The following RNF150 variants were observed in gnomAD, a reference collection of about 807,000 sequenced individuals.
RNF150 encodes the protein ring finger protein 150.
In RNF150, 24 loss-of-function variants were observed where a neutral mutation model predicts 39.3. The ratio of observed to expected loss-of-function variants is 0.61; its 90% CI spans 0.44 to 0.86. The LOEUF (loss-of-function observed/expected upper bound fraction) is 0.86. RNF150 is among the 40% of genes least tolerant of loss of function. The pLI, the probability that RNF150 is intolerant of heterozygous loss-of-function variation, is 0.00. For synonymous variants in RNF150, 255 were observed against 227.3 expected, an observed-to-expected ratio of 1.12 and a Z score of -1.10; for missense variants, 502 against 587.8, an observed-to-expected ratio of 0.85 and a Z score of 1.51.
chr4:141,142,551 C>T (rs948991525), intron 1 of RNF150, among the ~76,000 whole-genome samples: 2 of 152,214 alleles, frequency 1.3e-5, no homozygotes, highest in African/African-American at 4.8e-5. Context: ...CACTCTCTTC[C>T]GTCCTTTACC....
chr4:140,898,777 C>CT (rs5862501), intron 6 of RNF150, among the ~76,000 whole-genome samples: 85,371 of 151,998 alleles, frequency 0.56, 24,623 homozygotes, highest in East Asian at 0.84. Flanking sequence ...TTTCTAACTC[C>CT]TATTTAAATA....
chr4:141,004,759 T>C (rs1449996995), intron 1 of RNF150, among the ~76,000 whole-genome samples: 1 of 152,334 alleles, frequency 6.6e-6, no homozygotes, highest in Non-Finnish European at 1.5e-5. Context: ...GTTAGTGCCA[T>C]CATAATATAA....
intron 1 of RNF150, among the ~76,000 whole-genome samples, chr4:141,031,655 C>G (rs986077128): frequency 3.9e-5 from 6 of 152,000 alleles, no homozygotes; most frequent in Non-Finnish European, 8.8e-5. Context: ...TAAAAATGCT[C>G]AACATCACTA....
At chr4:141,129,684 C>A (rs1472027551) in intron 1 of RNF150, among the ~76,000 whole-genome samples, 3 of 152,034 alleles carry the variant, frequency 2.0e-5, no homozygotes, top group Non-Finnish European at 4.4e-5. Flanking sequence ...CTGGTCTATC[C>A]CAGGAGAAGT....
At chr4:140,970,039 C>G (rs759361633) in intron 1 of RNF150, among the ~76,000 whole-genome samples, 1 of 152,168 alleles carries the variant, frequency 6.6e-6, no homozygotes, top group Non-Finnish European at 1.5e-5. Context: ...GCTGGGATAA[C>G]AGGCCTGAGT....
At chr4:141,008,396 TC>T (rs946085434) in intron 1 of RNF150, among the ~76,000 whole-genome samples, 2 of 152,122 alleles carry the variant, frequency 1.3e-5, no homozygotes, top group Non-Finnish European at 2.9e-5. Context: ...CTTAATGGAG[TC>T]TTTGAATGAA....
chr4:141,197,660 C>T (rs959391438), intron 1 of RNF150, among the ~76,000 whole-genome samples: 7 of 151,976 alleles, frequency 4.6e-5, no homozygotes, highest in East Asian at 3.9e-4. Flanking sequence ...GGGCAGATCA[C>T]GAGGTCAGGA....
At chr4:140,898,573 A>G (rs55708741) in intron 6 of RNF150, among the ~76,000 whole-genome samples, 90,171 of 152,202 alleles carry the variant, frequency 0.59, 27,019 homozygotes, top group East Asian at 0.84. Flanking sequence ...ATGTTCCTAC[A>G]TAGGTGCATG....
At chr4:141,048,108 C>T (rs746961975) in intron 1 of RNF150, among the ~76,000 whole-genome samples, 7 of 152,124 alleles carry the variant, frequency 4.6e-5, no homozygotes, top group East Asian at 1.9e-4. Context: ...CCTGCCTAAC[C>T]GAAATTCAAG....
rs186879543 is a variant in RNF150, at chr4:140,977,044, G to A, written c.485-9171C>T. 3.2e-4 allele frequency among the ~76,000 whole-genome samples: 48 copies of A among 151,958 alleles called. 1 individual carries two copies. Among genetic ancestry groups the A allele is most frequent in the Admixed American group, 3.1e-3 (47 of 15,258 alleles). On this transcript the variant is annotated intron_variant, in intron 1 of 6. Transcript: ENST00000515673. ...AATCAGTGATGTTACCACAGAAGTC[G>A]TTGAGAAAAAATACCCACAAGAGGC...
intron 6 of RNF150, among the ~76,000 whole-genome samples, chr4:140,899,974 C>CTCTCTCTCTCTCTCTCTCTCTCTCTGTG (rs1365683071): frequency 1.4e-5 from 1 of 69,220 alleles, no homozygotes; most frequent in African/African-American, 4.3e-5. Context: ...CTCTCTCTCT[C>CTCTCTCTCTCTCTCTCTCTCTCTCTGTG]TGTGTGTGTG....
chr4:140,996,389 G>A (rs1337168930), intron 1 of RNF150, among the ~76,000 whole-genome samples: 2 of 152,036 alleles, frequency 1.3e-5, no homozygotes, highest in Non-Finnish European at 2.9e-5. Context: ...CCTTCTACAA[G>A]TCGTTACTGA....
intron 1 of RNF150, among the ~76,000 whole-genome samples, chr4:141,070,156 G>A (rs1292119253): frequency 2.6e-5 from 4 of 152,158 alleles, no homozygotes; most frequent in Non-Finnish European, 5.9e-5. Flanking sequence ...AATAAATGGT[G>A]CTGGGAAAAC....
Position 140,863,718 on chromosome 4 carries a change from A to G in RNF150, c.*4543T>C, listed in dbSNP as rs1728580607. ...GAAAAGGAAAAGAAACTTAGAGAAG[A>G]TATAAAAATGCTACTGGAAATTGCC... On this transcript the variant is annotated 3_prime_UTR_variant, in exon 7 of 7. Coordinates refer to ENST00000515673, the MANE Select transcript of RNF150 (RefSeq NM_020724.2). 1 of 152,240 alleles carries G rather than the reference A, an allele frequency of 6.6e-6. No individual in the cohort carries two copies. 9.4% of individuals were successfully genotyped at this position (152,240 alleles called of 1,614,324 possible).
chr4:141,181,840 T>C (rs1041141431), intron 1 of RNF150, among the ~76,000 whole-genome samples: 1 of 152,200 alleles, frequency 6.6e-6, no homozygotes, highest in African/African-American at 2.4e-5. Context: ...AATATATTTA[T>C]ACAGACAGAC....
At chr4:140,884,337 A>G (rs183102173) in intron 6 of RNF150, among the ~76,000 whole-genome samples, 5 of 152,202 alleles carry the variant, frequency 3.3e-5, no homozygotes, top group Non-Finnish European at 7.4e-5. Context: ...TGATTGGGCC[A>G]TATTTTCCTG....
intron 1 of RNF150, among the ~76,000 whole-genome samples, chr4:140,999,977 A>AGAAGAAGAAG (rs70946722): frequency 5.2e-4 from 18 of 34,662 alleles, no homozygotes; most frequent in African/African-American, 1.7e-3. Context: ...AAGAAGAAGA[A>AGAAGAAGAAG]AAGAAGAAAA....
At chr4:140,978,271 G>A (rs940008298) in intron 1 of RNF150, among the ~76,000 whole-genome samples, 1 of 152,114 alleles carries the variant, frequency 6.6e-6, no homozygotes, top group African/African-American at 2.4e-5. Flanking sequence ...TGTTCCTGAA[G>A]TGCATTGTAA....
At chr4:141,014,822 T>C (rs1053862404) in intron 1 of RNF150, among the ~76,000 whole-genome samples, 2 of 152,318 alleles carry the variant, frequency 1.3e-5, no homozygotes, top group Non-Finnish European at 2.9e-5. Context: ...CTTTCCAGTT[T>C]GATGCCATCC....
Sources: gnomAD v4.1 joint callset for allele counts (sites outside exome capture counted in the v4.1 genomes callset) on GRCh38, gnomAD v4.1.1 for gene constraint, MANE v1.5 for transcripts, NCBI Gene and HGNC (gene_info 2026-07-23, HGNC 2026-07-21) for gene names.